PARP8: variants seen among roughly 807,000 people sequenced by gnomAD.
PARP8 encodes the protein poly(ADP-ribose) polymerase family member 8.
In PARP8, 51 loss-of-function variants were observed where a neutral mutation model predicts 124.1. The observed-to-expected ratio is 0.41, with a 90% confidence interval of 0.33 to 0.52. The LOEUF is 0.52. PARP8 is among the 20% of genes least tolerant of loss of function. The probability of loss-of-function intolerance (pLI) is 0.21; values close to 1 mark genes in which losing one functional copy is unlikely to be tolerated. For synonymous variants in PARP8, 391 were observed against 361.5 expected, an observed-to-expected ratio of 1.08 and a Z score of -0.93; for missense variants, 860 against 1,018.9, an observed-to-expected ratio of 0.84 and a Z score of 2.12.
intron 2 of PARP8, among the ~76,000 whole-genome samples, chr5:50,708,698 TATAAAAA>T: frequency 6.7e-6 from 1 of 148,904 alleles, no homozygotes; most frequent in South Asian, 2.1e-4. Context: ...GATGTCAACT[TATAAAAA>T]ATACCTATCA....
At chr5:50,674,706 G>A (rs944711268) in intron 2 of PARP8, among the ~76,000 whole-genome samples, 21 of 151,996 alleles carry the variant, frequency 1.4e-4, no homozygotes, top group African/African-American at 4.8e-4. Context: ...ACCACCCCCC[G>A]CCCACTCATC....
intron 2 of PARP8, among the ~76,000 whole-genome samples, chr5:50,691,035 C>T (rs1752442816): frequency 6.6e-6 from 1 of 152,178 alleles, no homozygotes; most frequent in South Asian, 2.1e-4. Flanking sequence ...CTAACATGTC[C>T]TCATCATCGT....
In PARP8 at chr5:50,788,452, A is replaced by C. The variant is rs1000209399; in HGVS notation, c.671-71A>C. 7 of 1,414,716 alleles carry C rather than the reference A, an allele frequency of 4.9e-6. No homozygotes were observed. The African/African-American group carries it at 7.1e-5, about 14-fold the overall frequency. The allele number at this position is 1,414,716 out of a possible 1,614,324, so 87.6% of individuals were successfully genotyped here. On this transcript the variant is annotated intron_variant, in intron 9 of 25. Coordinates refer to ENST00000281631, the MANE Select transcript of PARP8 (RefSeq NM_024615.4). ...TATGCACATATATAATGCGATTTCA[A>C]CCTTTTTCTGGCTGATGGTTGAGTT...
chr5:50,797,285 G>A, intron 14 of PARP8, 52 bp downstream of exon 14: 5 of 1,218,748 alleles, frequency 4.1e-6, no homozygotes, highest in Non-Finnish European at 5.7e-6. Context: ...TAGAAATATA[G>A]AAAAGATTTG....
chr5:50,747,927 C>A (rs113020218), intron 2 of PARP8, among the ~76,000 whole-genome samples: 1 of 151,560 alleles, frequency 6.6e-6, no homozygotes, highest in African/African-American at 2.4e-5. Context: ...CGCCTGCCAC[C>A]GCGCCCGGCT....
At chr5:50,680,343 C>G (rs890632542) in intron 2 of PARP8, among the ~76,000 whole-genome samples, 1 of 151,896 alleles carries the variant, frequency 6.6e-6, no homozygotes, top group African/African-American at 2.4e-5. Context: ...CTATAAAAGG[C>G]AAGGTGGGGA....
chr5:50,748,445 G>C (rs1198279343), intron 2 of PARP8, among the ~76,000 whole-genome samples: 4 of 152,032 alleles, frequency 2.6e-5, no homozygotes, highest in Non-Finnish European at 4.4e-5. Context: ...AAAAAATAGT[G>C]TTTTATATTT....
rs1400563786 is a variant in PARP8 at position 50,845,747 on chromosome 5, A to G, written c.*3679A>G. 4.0e-5 allele frequency: 6 copies of G among 151,836 alleles called. No homozygotes were observed. Among genetic ancestry groups the G allele is most frequent in the South Asian group, 4.1e-4 (2 of 4,826 alleles). The allele number at this position is 151,836 out of a possible 1,614,324, so 9.4% of individuals were successfully genotyped here. Reference sequence around the variant, plus strand: ...TAGTCTATTTTGAGATTGATTTTCTACGTGGGCCAATTTTATGTCCATTAC... The same window carrying G: ...TAGTCTATTTTGAGATTGATTTTCTGCGTGGGCCAATTTTATGTCCATTAC... On this transcript the variant is annotated 3_prime_UTR_variant, in exon 26 of 26. Coordinates refer to ENST00000281631, the MANE Select transcript of PARP8 (RefSeq NM_024615.4).
chr5:50,833,856 C>A, intron 23 of PARP8, 123 bp from the exon 24 acceptor site: 2 of 668,024 alleles, frequency 3.0e-6, no homozygotes, highest in South Asian at 1.8e-5. Context: ...TGATGCTAGT[C>A]TAGATAGGCT....
chr5:50,825,118 A>G (rs1192666527), intron 18 of PARP8, 143 bp downstream of exon 18: 10 of 680,984 alleles, frequency 1.5e-5, no homozygotes, highest in Non-Finnish European at 2.6e-5. Context: ...AGACCTGGTG[A>G]TTTTACAACC....
intron 2 of PARP8, among the ~76,000 whole-genome samples, chr5:50,748,567 A>G (rs1293649002): frequency 2.6e-5 from 4 of 151,924 alleles, no homozygotes; most frequent in African/African-American, 4.8e-5. Context: ...AATTTTCACA[A>G]TTTTCTTTTA....
intron 10 of PARP8, among the ~76,000 whole-genome samples, chr5:50,792,004 A>C (rs1249535693): frequency 6.6e-6 from 1 of 152,202 alleles, no homozygotes; most frequent in Non-Finnish European, 1.5e-5. Context: ...TGAAATCAAC[A>C]TGTAAAACAG....
chr5:50,708,817 C>T (rs905251740), intron 2 of PARP8, among the ~76,000 whole-genome samples: 3 of 151,668 alleles, frequency 2.0e-5, no homozygotes, highest in Non-Finnish European at 2.9e-5. Flanking sequence ...GTGTCTTACC[C>T]GTCAACCAGG....
chr5:50,692,389 A>G (rs2149462469), intron 2 of PARP8, among the ~76,000 whole-genome samples: 1 of 152,226 alleles, frequency 6.6e-6, no homozygotes, highest in African/African-American at 2.4e-5. Context: ...CTCCTCTAGG[A>G]GCTATCATAG....
chr5:50,716,847 A>G (rs1580075983), intron 2 of PARP8, among the ~76,000 whole-genome samples: 1 of 151,948 alleles, frequency 6.6e-6, no homozygotes. Flanking sequence ...TCTTCCTGCT[A>G]GTGAATGTAA....
intron 2 of PARP8, among the ~76,000 whole-genome samples, chr5:50,704,196 TCTAAGTC>T (rs1402231613): frequency 1.3e-5 from 2 of 152,120 alleles, no homozygotes; most frequent in African/African-American, 4.8e-5. Flanking sequence ...TTGAGGCACA[TCTAAGTC>T]CCGAGAGATG....
chr5:50,669,898 T>C (rs1163315150), intron 2 of PARP8, among the ~76,000 whole-genome samples: 1 of 152,234 alleles, frequency 6.6e-6, no homozygotes, highest in African/African-American at 2.4e-5. Context: ...GAGCCTTTTA[T>C]ATCTAATCTA....
At chr5:50,713,519 G>A (rs933000136) in intron 2 of PARP8, among the ~76,000 whole-genome samples, 4 of 152,004 alleles carry the variant, frequency 2.6e-5, no homozygotes, top group African/African-American at 9.7e-5. Flanking sequence ...GGGATTACAG[G>A]CGTGAACCAT....
chr5:50,809,701 C>T (rs980674797), intron 14 of PARP8, among the ~76,000 whole-genome samples: 3 of 151,890 alleles, frequency 2.0e-5, no homozygotes, highest in Non-Finnish European at 4.4e-5. Flanking sequence ...GAATAAGCTC[C>T]ACTTTTATCT....
Sources: gnomAD v4.1 joint callset for allele counts (sites outside exome capture counted in the v4.1 genomes callset) on GRCh38, gnomAD v4.1.1 for gene constraint, MANE v1.5 for transcripts, NCBI Gene and HGNC (gene_info 2026-07-23, HGNC 2026-07-21) for gene names.